The following HIBCH variants were observed in gnomAD, a reference collection of about 807,000 sequenced individuals.
The protein encoded by HIBCH is 3-hydroxyisobutyryl-CoA hydrolase.
HIBCH carries 50 observed loss-of-function variants against 58.2 expected under a neutral mutation model. The observed-to-expected ratio is 0.86, with a 90% CI of 0.68 to 1.09. The LOEUF (loss-of-function observed/expected upper bound fraction) is 1.09, where lower values mean the gene tolerates loss of function less well. Among genes scored for constraint, HIBCH ranks in the 50% least tolerant of loss-of-function variants. The pLI is 0.00. For missense variants in HIBCH, 450 were observed against 449.7 expected, an observed-to-expected ratio of 1.00 and a Z score of -0.01; for synonymous variants, 151 against 146.9, an observed-to-expected ratio of 1.03 and a Z score of -0.20.
At position 190,197,134 on chromosome 2, in the gene HIBCH, C is replaced by G. The variant is rs1348133136; in HGVS notation, c.*18-7137G>C. Among the ~76,000 whole-genome samples, 1 of 152,144 alleles carries G rather than the reference C, an allele frequency of 6.6e-6. No individual in the cohort carries two copies. The highest frequency in any genetic ancestry group is 1.5e-5 in the Non-Finnish European group (1 of 68,038). On this transcript the variant is annotated intron_variant, in intron 1 of 1. Transcript: ENST00000399855. This position sits in a 1 kb window ranked among gnomAD's most constrained non-coding sequence, Gnocchi z 4.0. ...ATATCATCACCCAAAGGCCCCACCT[C>G]CAAATACCATCACGTTGGGGATTAG... is the stretch of plus-strand genomic sequence containing the variant.
chr2:190,198,623 C>T (rs574469948), intron 1 of HIBCH, among the ~76,000 whole-genome samples: 113 of 107,346 alleles, frequency 1.1e-3, no homozygotes, highest in African/African-American at 4.2e-3. Context: ...CAGAGTAAGA[C>T]CCTGTCTCAA....
In HIBCH at chr2:190,238,914, T is replaced by C. The variant is rs753725574; in HGVS notation, c.891+5973A>G. ...CAAAATTTTTCTCCCATTCCGTGAG[T>C]TGCCTGTTCACTCTGATGAGAATTT... On this transcript the variant is annotated intron_variant, in intron 11 of 13. Transcript: ENST00000359678. 5.6e-4 allele frequency among the ~76,000 whole-genome samples: 85 copies of C among 152,210 alleles called. 1 individual carries two copies. Among genetic ancestry groups the C allele is most frequent in the Admixed American group, 1.6e-3 (25 of 15,282 alleles).
chr2:190,253,205 TA>T (rs1171581511), intron 7 of HIBCH, among the ~76,000 whole-genome samples: 3 of 151,862 alleles, frequency 2.0e-5, no homozygotes, highest in Non-Finnish European at 1.5e-5. Context: ...ATAATAATAA[TA>T]AAATAAAGAA....
chr2:190,195,740 CAG>C (rs1559000654), intron 1 of HIBCH, among the ~76,000 whole-genome samples: 1 of 152,132 alleles, frequency 6.6e-6, no homozygotes, highest in Non-Finnish European at 1.5e-5. Flanking sequence ...ATGTCTTAAA[CAG>C]AGCAGTTTTT....
chr2:190,227,793 GAC>G (rs1685954758), intron 11 of HIBCH, among the ~76,000 whole-genome samples: 2 of 152,128 alleles, frequency 1.3e-5, no homozygotes, highest in Admixed American at 1.3e-4. Context: ...GCAGCCAACA[GAC>G]ACATGAAAAA....
intron 2 of HIBCH, among the ~76,000 whole-genome samples, chr2:190,298,204 T>G (rs1169279713): frequency 6.6e-6 from 1 of 152,204 alleles, no homozygotes; most frequent in African/African-American, 2.4e-5. Flanking sequence ...TAAATAGTGC[T>G]GCAATAAACA....
chr2:190,238,140 G>GT (rs1559027235), intron 11 of HIBCH, among the ~76,000 whole-genome samples: 3 of 152,064 alleles, frequency 2.0e-5, no homozygotes, highest in African/African-American at 7.2e-5. Context: ...ATACATGTGC[G>GT]TGTGTCTTTA....
rs1687699344 is a variant in HIBCH at position 190,281,321 on chromosome 2, T to A, written c.438+6265A>T. ...CATGGATGCCACCAAGGCTTATGGC[T>A]TATATCTTCTGGAGCTGCAGGTCAA... On this transcript the variant is annotated intron_variant, in intron 6 of 13. Coordinates refer to ENST00000359678, the MANE Select transcript of HIBCH (RefSeq NM_014362.4). This position sits in a 1 kb window ranked among gnomAD's most constrained non-coding sequence, Gnocchi z 5.4. Among the ~76,000 whole-genome samples, 1 of 152,192 alleles carries A rather than the reference T, an allele frequency of 6.6e-6. No homozygotes were observed. The highest frequency in any genetic ancestry group is 2.4e-5 in the African/African-American group (1 of 41,446).
chr2:190,314,271 C>CA (rs9288170), intron 1 of HIBCH, among the ~76,000 whole-genome samples: 1,542 of 132,308 alleles, frequency 0.012, 53 homozygotes, highest in African/African-American at 0.035. Context: ...CCAGTTACTA[C>CA]AAAAAAAATA....
intron 6 of HIBCH, among the ~76,000 whole-genome samples, chr2:190,270,566 C>G (rs899636037): frequency 1.3e-5 from 2 of 152,170 alleles, no homozygotes; most frequent in African/African-American, 4.8e-5. Context: ...ATAAACACTG[C>G]ATCACAGTAT....
chr2:190,191,462 T>C (rs1689706911), intron 1 of HIBCH, among the ~76,000 whole-genome samples: 1 of 152,200 alleles, frequency 6.6e-6, no homozygotes, highest in Non-Finnish European at 1.5e-5. Context: ...AATTTTTTTA[T>C]GTGAACACAA....
rs1232944258 is a variant in HIBCH at position 190,214,087 on chromosome 2, CTTGAT to C, written c.892-1017_892-1013del. ...CAGCCGAGAAGGGAGACGCACCCCA[CTTGAT>C]TTATGTGGCCTGCTCTGGACATCTT... On this transcript the variant is annotated intron_variant, in intron 11 of 13. Coordinates refer to ENST00000359678, the MANE Select transcript of HIBCH (RefSeq NM_014362.4). This position sits in a 1 kb window ranked among gnomAD's most constrained non-coding sequence, Gnocchi z 5.5. 2 of 152,168 alleles carry C rather than the reference CTTGAT, an allele frequency of 1.3e-5. No individual in the cohort carries two copies. The highest frequency in any genetic ancestry group is 2.9e-5 in the Non-Finnish European group (2 of 68,060). The allele number at this position is 152,168 out of a possible 1,614,324, so 9.4% of individuals were successfully genotyped here.
At chr2:190,291,922 G>T (rs111528780) in intron 4 of HIBCH, among the ~76,000 whole-genome samples, 420 of 151,962 alleles carry the variant, frequency 2.8e-3, no homozygotes, top group African/African-American at 9.8e-3. Context: ...TCTTTTATGG[G>T]AAAGTATTAC....
Position 190,252,287 on chromosome 2 carries a change from C to T in HIBCH, c.538G>A (p.Gly180Arg), listed in dbSNP as rs1172730289. Residue 180 changes from glycine to arginine, a missense_variant, in exon 8 of 14, where the codon GGA (glycine) becomes AGA (arginine). Transcript: ENST00000359678. ...TGGAGTCGTGGCAAGAAATAACCTC[C>T]ACCCACATCAGGGAACAGTCCTGTA... ...TAIGLFPDVG[G>R]GYFLPRLQGK... is the part of the protein sequence containing the mutation. The T allele has an allele frequency of 6.2e-7, 1 of 1,613,162 alleles. No individual in the cohort carries two copies. The highest frequency in any genetic ancestry group is 1.3e-5 in the African/African-American group (1 of 74,886).
chr2:190,308,208 A>C (rs941000283), intron 2 of HIBCH, among the ~76,000 whole-genome samples: 3 of 152,134 alleles, frequency 2.0e-5, no homozygotes, highest in African/African-American at 7.2e-5. Flanking sequence ...TCCTCATATG[A>C]TCTGGATTCT....
chr2:190,224,472 AG>A (rs1186109112), intron 11 of HIBCH, among the ~76,000 whole-genome samples: 1 of 152,236 alleles, frequency 6.6e-6, no homozygotes, highest in East Asian at 1.9e-4. Flanking sequence ...AAAAAAAAGC[AG>A]GGGTTGCAAT....
intron 6 of HIBCH, among the ~76,000 whole-genome samples, chr2:190,274,198 A>G (rs570901210): frequency 1.3e-5 from 2 of 152,374 alleles, no homozygotes; most frequent in East Asian, 1.9e-4. Flanking sequence ...TCTTCTATTC[A>G]ACTGTCACTA....
At chr2:190,249,803 C>CT (rs1686711345) in intron 8 of HIBCH, 77 bp from the exon 9 acceptor site, 5 of 932,904 alleles carry the variant, frequency 5.4e-6, no homozygotes, top group Admixed American at 2.1e-5. Flanking sequence ...ATCTCATCTT[C>CT]TTTTTTAGAA....
At chr2:190,202,142 T>A (rs532821817), downstream of HIBCH, 1 of 167,016 alleles carries the variant, frequency 6.0e-6, no homozygotes, top group African/African-American at 2.4e-5. Flanking sequence ...TTCCCAGGGG[T>A]GTGACAGAGA....
Sources: allele counts gnomAD v4.1 joint callset (sites outside exome capture counted in the v4.1 genomes callset), GRCh38; gene constraint gnomAD v4.1.1; non-coding constraint Gnocchi (gnomAD v3.1); transcripts MANE v1.5; gene names NCBI Gene and HGNC (gene_info 2026-07-23, HGNC 2026-07-21).